Variants in IL1RAPL1 observed in about 807,000 individuals in gnomAD.
IL1RAPL1 encodes interleukin-1 receptor accessory protein-like 1.
IL1RAPL1 carries 3 observed loss-of-function variants against 48.4 expected under a neutral mutation model. The observed-to-expected ratio is 0.06, with a 90% CI of 0.03 to 0.16. The LOEUF (loss-of-function observed/expected upper bound fraction) is 0.16. Ranked by LOEUF, IL1RAPL1 falls within the 10% of genes least tolerant of loss-of-function variation. IL1RAPL1 has a pLI of 1.00. For missense variants in IL1RAPL1, 349 were observed against 530.6 expected (o/e 0.66, Z 3.36); for synonymous variants, 185 against 187.7 (o/e 0.99, Z 0.12).
At chrX:29,138,055 A>G (rs1181810653) in intron 2 of IL1RAPL1, among the ~76,000 whole-genome samples, 1 of 112,379 alleles carries the variant, frequency 8.9e-6, no homozygotes, top group South Asian at 3.6e-4. Flanking sequence ...ACTCTTCCTT[A>G]AAATTTAAAT....
chrX:28,887,567 C>A (rs754150778), intron 2 of IL1RAPL1, among the ~76,000 whole-genome samples: 2 of 111,525 alleles, frequency 1.8e-5, no homozygotes, highest in South Asian at 7.5e-4. Flanking sequence ...GATATACTTA[C>A]CATTCTGAAT....
intron 3 of IL1RAPL1, among the ~76,000 whole-genome samples, chrX:29,358,619 A>G (rs897622098): frequency 3.6e-5 from 4 of 110,985 alleles, no homozygotes; most frequent in Non-Finnish European, 3.8e-5. Flanking sequence ...ATATATGTAT[A>G]CATTATGACA....
At chrX:29,378,911 A>G (rs774074778) in intron 3 of IL1RAPL1, among the ~76,000 whole-genome samples, 2 of 112,470 alleles carry the variant, frequency 1.8e-5, no homozygotes, top group Non-Finnish European at 1.9e-5. Flanking sequence ...AGGCTATAAC[A>G]TGGAGATAGA....
chrX:28,899,209 G>A (rs1033283003), intron 2 of IL1RAPL1, among the ~76,000 whole-genome samples: 4 of 111,367 alleles, frequency 3.6e-5, no homozygotes, highest in Non-Finnish European at 3.8e-5. Context: ...CAGCATGGGG[G>A]AAGCAGCCCC....
At chrX:29,160,913 G>T (rs1929670251) in intron 2 of IL1RAPL1, among the ~76,000 whole-genome samples, 1 of 111,549 alleles carries the variant, frequency 9.0e-6, no homozygotes, top group Admixed American at 9.5e-5. Flanking sequence ...AATTAGCCAG[G>T]CAGGCGTGGT....
In IL1RAPL1 at chrX:29,614,977, A is replaced by C. The variant is rs12687033; in HGVS notation, c.704-53453A>C. ...AGACTCCGTCTCAAAAAAAAAAAAA[A>C]AATCTTTACAATAATATAATTTTCA... On this transcript the variant is annotated intron_variant, in intron 5 of 10. Coordinates refer to ENST00000378993, the MANE Select transcript of IL1RAPL1 (RefSeq NM_014271.4). 2.9e-3 allele frequency among the ~76,000 whole-genome samples: 321 copies of C among 111,487 alleles called. 4 individuals carry two copies. In the East Asian group the frequency reaches 0.07, roughly 24 times the overall value.
intron 2 of IL1RAPL1, among the ~76,000 whole-genome samples, chrX:28,834,962 A>G (rs368274295): frequency 9.0e-6 from 1 of 111,499 alleles, no homozygotes; most frequent in Non-Finnish European, 1.9e-5. Context: ...AAGATAATCT[A>G]TGTAAAGATT....
At chrX:28,627,394 T>C (rs898631548) in intron 1 of IL1RAPL1, among the ~76,000 whole-genome samples, 49 of 111,789 alleles carry the variant, frequency 4.4e-4, no homozygotes, top group African/African-American at 1.5e-3. Context: ...GCAGCTCTTC[T>C]GAAGGATAGA....
chrX:28,696,245 G>C (rs1935229903), intron 1 of IL1RAPL1, among the ~76,000 whole-genome samples: 1 of 110,836 alleles, frequency 9.0e-6, no homozygotes, highest in Admixed American at 9.7e-5. Flanking sequence ...CAATATCAAA[G>C]TGTGTGTACT....
intron 6 of IL1RAPL1, among the ~76,000 whole-genome samples, chrX:29,774,848 C>A (rs1252534591): frequency 2.7e-5 from 3 of 111,978 alleles, no homozygotes; most frequent in Non-Finnish European, 5.6e-5. Flanking sequence ...TAAAATGTTT[C>A]TCTTATTTTA....
intron 2 of IL1RAPL1, among the ~76,000 whole-genome samples, chrX:29,183,754 C>A (rs990193373): frequency 8.9e-6 from 1 of 112,359 alleles, no homozygotes; most frequent in South Asian, 3.6e-4. Flanking sequence ...AGTGCAATGG[C>A]ACGATCTCAG....
At chrX:29,399,337 C>A in intron 5 of IL1RAPL1, 29 bp downstream of exon 5, 4 of 1,138,381 alleles carry the variant, frequency 3.5e-6, no homozygotes, top group Admixed American at 2.2e-5. Context: ...ATTTCACTTG[C>A]AAGTGATGAA....
chrX:28,592,405 G>A (rs944715984), intron 1 of IL1RAPL1, among the ~76,000 whole-genome samples: 3 of 111,374 alleles, frequency 2.7e-5, no homozygotes, highest in Non-Finnish European at 5.7e-5. Context: ...AGCATAATGA[G>A]TTTGAATACC....
At chrX:29,639,224 A>G (rs939679919) in intron 5 of IL1RAPL1, among the ~76,000 whole-genome samples, 1 of 109,554 alleles carries the variant, frequency 9.1e-6, no homozygotes, top group African/African-American at 3.3e-5. Flanking sequence ...AAATTTTTAG[A>G]TTTGTTTTTT....
chrX:28,788,804 A>G (rs180943996), intron 1 of IL1RAPL1, among the ~76,000 whole-genome samples: 4 of 110,873 alleles, frequency 3.6e-5, no homozygotes, highest in Non-Finnish European at 3.8e-5. Context: ...AAAAGTCTTA[A>G]AATTATCTTA....
intron 5 of IL1RAPL1, among the ~76,000 whole-genome samples, chrX:29,472,608 A>G (rs1278353181): frequency 8.9e-6 from 1 of 111,807 alleles, no homozygotes; most frequent in Non-Finnish European, 1.9e-5. Flanking sequence ...AACATTTTTA[A>G]AAAATCTTTC....
At chrX:29,121,490 G>A (rs916793399) in intron 2 of IL1RAPL1, among the ~76,000 whole-genome samples, 3 of 111,707 alleles carry the variant, frequency 2.7e-5, no homozygotes, top group Admixed American at 9.6e-5. Context: ...ACCACTGTAA[G>A]TTGTAGACTA....
chrX:29,041,272 C>T (rs967542087), intron 2 of IL1RAPL1, among the ~76,000 whole-genome samples: 4 of 111,514 alleles, frequency 3.6e-5, no homozygotes, highest in Admixed American at 9.6e-5. Flanking sequence ...TCCCATGGGA[C>T]GTATCTGCAG....
intron 2 of IL1RAPL1, among the ~76,000 whole-genome samples, chrX:29,011,068 G>T (rs901731727): frequency 3.6e-5 from 4 of 111,742 alleles, no homozygotes; most frequent in African/African-American, 1.3e-4. Flanking sequence ...TTATGTTCCA[G>T]TTCTTATAAA....
Sources: allele counts gnomAD v4.1 joint callset (sites outside exome capture counted in the v4.1 genomes callset), GRCh38; gene constraint gnomAD v4.1.1; transcripts MANE v1.5; gene names NCBI Gene and HGNC (gene_info 2026-07-23, HGNC 2026-07-21).